Variants in RELN observed in about 807,000 individuals in gnomAD.
The protein encoded by RELN is reelin.
RELN carries 108 observed loss-of-function variants against 427.6 expected under a neutral mutation model. The ratio of observed to expected loss-of-function variants is 0.25; its 90% confidence interval spans 0.22 to 0.30. The LOEUF is 0.30. Ranked by LOEUF, RELN falls within the 10% of genes least tolerant of loss-of-function variation. The pLI is 1.00. For synonymous variants in RELN, 1,524 were observed against 1,513.4 expected (o/e 1.01, Z -0.16); for missense variants, 3,715 against 4,302.8 (o/e 0.86, Z 3.82).
At chr7:103,909,598 C>G (rs1395281896) in intron 2 of RELN, among the ~76,000 whole-genome samples, 1 of 134,336 alleles carries the variant, frequency 7.4e-6, no homozygotes, top group African/African-American at 2.9e-5. Context: ...CAAAGCAAGA[C>G]TTCATCTCAA....
At chr7:103,977,407 A>G (rs1248950352) in intron 1 of RELN, among the ~76,000 whole-genome samples, 1 of 151,256 alleles carries the variant, frequency 6.6e-6, no homozygotes, top group Non-Finnish European at 1.5e-5. Flanking sequence ...CTGTACGAGG[A>G]GAGGTCACCT....
intron 41 of RELN, 71 bp from the exon 42 acceptor site, chr7:103,545,415 T>G (rs1584281513): frequency 2.9e-6 from 3 of 1,028,048 alleles, no homozygotes; most frequent in Middle Eastern, 2.0e-4. Flanking sequence ...GCACATCTGA[T>G]CAATGAACAA....
intron 8 of RELN, among the ~76,000 whole-genome samples, chr7:103,701,376 A>C (rs1834088084): frequency 6.6e-6 from 1 of 152,128 alleles, no homozygotes. Context: ...TGATTATATT[A>C]AATGGTACAT....
At chr7:103,511,151 C>A in intron 50 of RELN, 146 bp from the exon 51 acceptor site, 1 of 675,324 alleles carries the variant, frequency 1.5e-6, no homozygotes, top group Admixed American at 2.2e-5. Flanking sequence ...AATATAAATA[C>A]ATTGTTTCAG....
chr7:103,515,658 C>G (rs1392338714), intron 49 of RELN, among the ~76,000 whole-genome samples: 2 of 152,190 alleles, frequency 1.3e-5, no homozygotes, highest in Non-Finnish European at 2.9e-5. Flanking sequence ...TGAACAGATT[C>G]AAGTATCCCA....
chr7:103,511,700 A>T (rs1829422732), intron 50 of RELN, among the ~76,000 whole-genome samples: 2 of 86,000 alleles, frequency 2.3e-5, no homozygotes, highest in South Asian at 7.5e-4. Flanking sequence ...CCTGACTGTT[A>T]AAAAAAAAAT....
chr7:103,979,056 C>G (rs901385186), intron 1 of RELN, among the ~76,000 whole-genome samples: 7 of 152,154 alleles, frequency 4.6e-5, no homozygotes, highest in African/African-American at 1.7e-4. Context: ...TGTATAAAGG[C>G]TCCTTTGAGT....
rs192950070 is a variant in RELN, at chr7:103,620,339, G to A, written c.2703-8536C>T. ...TCTCAGGTATGTCTTCATCAGCAGC[G>A]TGAGAATGGACTAACACAACTTCAA... On this transcript the variant is annotated intron_variant, in intron 20 of 64. Transcript: ENST00000428762. This position sits in a 1 kb window ranked among gnomAD's most constrained non-coding sequence, Gnocchi z 4.1. Among the ~76,000 whole-genome samples, 3 of 152,186 alleles carry A rather than the reference G, an allele frequency of 2.0e-5. No individual in the cohort carries two copies. Among genetic ancestry groups the A allele is most frequent in the Admixed American group, 1.3e-4 (2 of 15,282 alleles).
In RELN at chr7:103,794,094, T is replaced by G. The variant is rs79978989; in HGVS notation, c.474-17467A>C. On this transcript the variant is annotated intron_variant, in intron 3 of 64. Transcript: ENST00000428762. ...AAACAGAAGTAATATTTTTTAATTT[T>G]GTAGGTAATTTTTTTTAATTTTAAG... Among the ~76,000 whole-genome samples the G allele has an allele frequency of 2.1e-3, 327 of 152,264 alleles. 2 individuals carry two copies. Among genetic ancestry groups the G allele is most frequent in the African/African-American group, 7.5e-3 (312 of 41,554 alleles).
chr7:103,605,907 C>T (rs765655244), intron 22 of RELN, among the ~76,000 whole-genome samples: 1 of 152,180 alleles, frequency 6.6e-6, no homozygotes, highest in Non-Finnish European at 1.5e-5. Flanking sequence ...CCAGTAGACA[C>T]AGGGTTGCTG....
intron 7 of RELN, among the ~76,000 whole-genome samples, chr7:103,727,491 C>T (rs1161837544): frequency 1.3e-5 from 2 of 152,082 alleles, no homozygotes; most frequent in African/African-American, 4.8e-5. Context: ...ATGCTGATGG[C>T]TAGTAGTTTT....
intron 2 of RELN, among the ~76,000 whole-genome samples, chr7:103,912,070 G>A (rs967124563): frequency 2.0e-5 from 3 of 152,046 alleles, no homozygotes; most frequent in Admixed American, 2.0e-4. Context: ...TATGTTAATT[G>A]CTTAATCTCT....
rs1365468975 is a variant in RELN at position 103,611,943 on chromosome 7, G to A, written c.2703-140C>T. The stretch of plus-strand genomic sequence containing the variant: ...TTGCCAAATTCTAGAATGGATTTCG[G>A]TCAATCTAATAAATGCAATTTGAAA... On this transcript the variant is annotated intron_variant, in intron 20 of 64. Coordinates refer to ENST00000428762, the MANE Select transcript of RELN (RefSeq NM_005045.4). 16 of 716,028 alleles carry A rather than the reference G, an allele frequency of 2.2e-5. No individual in the cohort carries two copies. In the East Asian group the frequency reaches 3.5e-4, roughly 16 times the overall value. 44.4% of individuals were successfully genotyped at this position (716,028 alleles called of 1,614,324 possible).
At chr7:103,495,653 G>T in intron 57 of RELN, 70 bp downstream of exon 57, 1 of 1,399,648 alleles carries the variant, frequency 7.1e-7, no homozygotes, top group South Asian at 1.2e-5. Context: ...ATAGTTGTCT[G>T]ACTAACCATT....
intron 3 of RELN, among the ~76,000 whole-genome samples, chr7:103,797,303 A>C (rs1411197034): frequency 6.6e-6 from 1 of 152,036 alleles, no homozygotes. Context: ...ATGGGGTTTC[A>C]CCATGTTGGC....
chr7:103,773,114 TTC>T (rs762566322), intron 4 of RELN, among the ~76,000 whole-genome samples: 1 of 68,504 alleles, frequency 1.5e-5, no homozygotes, highest in Non-Finnish European at 3.4e-5. Context: ...CTTTCTTTCT[TTC>T]TTTCTTTCTT....
chr7:103,902,039 G>C (rs1795094262), intron 2 of RELN, among the ~76,000 whole-genome samples: 2 of 151,930 alleles, frequency 1.3e-5, no homozygotes, highest in Non-Finnish European at 2.9e-5. Context: ...CACAGTGTGG[G>C]GAAAGCTGGC....
chr7:103,701,364 A>T (rs17154464), intron 8 of RELN, among the ~76,000 whole-genome samples: 31,946 of 152,030 alleles, frequency 0.21, 4,106 homozygotes, highest in African/African-American at 0.36. Flanking sequence ...ATCAATTAGG[A>T]GTGATTATAT....
chr7:103,522,854 C>CG (rs1170048207), intron 47 of RELN, among the ~76,000 whole-genome samples: 1 of 4,896 alleles, frequency 2.0e-4, no homozygotes, highest in East Asian at 2.7e-3. Flanking sequence ...CACACACACC[C>CG]CCACACCTTC....
Sources: gnomAD v4.1 joint callset for allele counts (sites outside exome capture counted in the v4.1 genomes callset) on GRCh38, gnomAD v4.1.1 for gene constraint, Gnocchi (gnomAD v3.1) non-coding constraint, MANE v1.5 for transcripts, NCBI Gene and HGNC (gene_info 2026-07-23, HGNC 2026-07-21) for gene names.